The following HGF variants were observed in gnomAD, a reference collection of about 807,000 sequenced individuals.
HGF encodes the protein fibroblast-derived tumor cytotoxic factor.
Under a neutral mutation model 111.6 loss-of-function variants are expected in HGF, and 39 were observed. The ratio of observed to expected loss-of-function variants is 0.35; its 90% CI spans 0.27 to 0.46. HGF has a LOEUF of 0.46. HGF is among the 20% of genes least tolerant of loss of function. HGF has a pLI of 1.00. For missense variants in HGF, 735 were observed against 910.5 expected, an observed-to-expected ratio of 0.81 and a Z score of 2.48; for synonymous variants, 285 against 294.8, an observed-to-expected ratio of 0.97 and a Z score of 0.34.
chr7:81,730,651 AAATTAAATTTTTACCACAATT>A (rs1182651943), intron 7 of HGF, among the ~76,000 whole-genome samples: 1 of 152,152 alleles, frequency 6.6e-6, no homozygotes, highest in Non-Finnish European at 1.5e-5. Context: ...TAAAAGTATA[AAATTAAATTTTTACCACAATT>A]TGGTCTCTCT....
intron 9 of HGF, among the ~76,000 whole-genome samples, chr7:81,722,813 CAAAAAA>C (rs552915726): frequency 7.7e-5 from 7 of 91,236 alleles, no homozygotes; most frequent in Admixed American, 4.1e-4. Flanking sequence ...GATTCTGTCT[CAAAAAA>C]AAAAAAAAAA....
At chr7:81,728,903 T>A (rs1050761988) in intron 8 of HGF, among the ~76,000 whole-genome samples, 1 of 152,248 alleles carries the variant, frequency 6.6e-6, no homozygotes, top group Non-Finnish European at 1.5e-5. Context: ...AATCACTTTA[T>A]GTTCCTCATA....
At chr7:81,760,672 TGTGCGTGC>T (rs1035567798) in intron 2 of HGF, among the ~76,000 whole-genome samples, 36 of 114,152 alleles carry the variant, frequency 3.2e-4, no homozygotes, top group Admixed American at 2.0e-3. Flanking sequence ...TGTGTGTCTA[TGTGCGTGC>T]GTGTGTGTGT....
intron 7 of HGF, among the ~76,000 whole-genome samples, chr7:81,735,082 C>A (rs1199243341): frequency 2.0e-5 from 3 of 152,072 alleles, no homozygotes; most frequent in African/African-American, 7.2e-5. Flanking sequence ...CTCCCATCAA[C>A]AATACTTGTG....
chr7:81,715,376 C>G (rs1164512516), intron 11 of HGF, among the ~76,000 whole-genome samples: 1 of 151,886 alleles, frequency 6.6e-6, no homozygotes, highest in African/African-American at 2.4e-5. Flanking sequence ...TTTTGTATGG[C>G]ATTCTCTGAA....
intron 10 of HGF, among the ~76,000 whole-genome samples, chr7:81,718,785 C>T (rs953743619): frequency 2.0e-5 from 3 of 152,098 alleles, no homozygotes; most frequent in Non-Finnish European, 4.4e-5. Context: ...ATGAAAATTT[C>T]AACCTTCTAG....
At chr7:81,727,516 C>A in intron 8 of HGF, among the ~76,000 whole-genome samples, 1 of 152,128 alleles carries the variant, frequency 6.6e-6, no homozygotes, top group Non-Finnish European at 1.5e-5. Flanking sequence ...CATATTCAAA[C>A]CTTTAGCCTT....
chr7:81,767,393 T>G (rs1789416885), intron 1 of HGF, among the ~76,000 whole-genome samples: 1 of 152,218 alleles, frequency 6.6e-6, no homozygotes, highest in Non-Finnish European at 1.5e-5. Flanking sequence ...CTGAGGTCTT[T>G]GAACCGGCTA....
intron 1 of HGF, 185 bp from the exon 2 acceptor site, chr7:81,763,057 C>T: frequency 1.7e-6 from 1 of 573,824 alleles, no homozygotes; most frequent in Non-Finnish European, 3.1e-6. Context: ...ATATTGTAAT[C>T]AAGGAAAAAC....
intron 14 of HGF, 35 bp downstream of exon 14, chr7:81,707,255 G>A (rs779909459): frequency 4.2e-6 from 5 of 1,196,168 alleles, no homozygotes. Flanking sequence ...ACATTTTAAA[G>A]GCTCAAAATA....
At chr7:81,714,008 G>GTGTGTGTGTGTA (rs1384396887) in intron 11 of HGF, among the ~76,000 whole-genome samples, 1 of 151,596 alleles carries the variant, frequency 6.6e-6, no homozygotes, top group East Asian at 1.9e-4. Context: ...GTGTGTGTGT[G>GTGTGTGTGTGTA]TGTGTGTGTG....
At chr7:81,717,206 A>G (rs781429609) in intron 11 of HGF, 26 bp downstream of exon 11, 1 of 1,608,334 alleles carries the variant, frequency 6.2e-7, no homozygotes, top group Admixed American at 1.7e-5. Context: ...ATATTTCACA[A>G]GACACCAATC....
At chr7:81,722,826 A>AG (rs2115883995) in intron 9 of HGF, among the ~76,000 whole-genome samples, 1 of 140,056 alleles carries the variant, frequency 7.1e-6, no homozygotes, top group Admixed American at 6.8e-5. Flanking sequence ...AAAAAAAAAA[A>AG]AAAAAGAAAT....
At chr7:81,737,753 GAATT>G (rs1235103887) in intron 7 of HGF, among the ~76,000 whole-genome samples, 1 of 151,994 alleles carries the variant, frequency 6.6e-6, no homozygotes, top group Non-Finnish European at 1.5e-5. Flanking sequence ...TATTATAAAT[GAATT>G]AATAAATGTT....
chr7:81,764,418 C>T (rs1254746371), intron 1 of HGF, among the ~76,000 whole-genome samples: 1 of 152,058 alleles, frequency 6.6e-6, no homozygotes, highest in Non-Finnish European at 1.5e-5. Flanking sequence ...GATAGAATGG[C>T]TATGGTACAA....
rs954996166 is a variant in HGF at position 81,701,670 on chromosome 7, C to T, written c.*911G>A. On this transcript the variant is annotated 3_prime_UTR_variant, in exon 18 of 18. Transcript: ENST00000222390. Reference sequence around the variant, plus strand: ...CAAATATCTTGTGTAAATAAGTGGCCTTAAGTTTGGAGGAAACAAATTACA... The same window carrying T: ...CAAATATCTTGTGTAAATAAGTGGCTTTAAGTTTGGAGGAAACAAATTACA... 2 of 151,450 alleles carry T rather than the reference C, an allele frequency of 1.3e-5. No homozygotes were observed. Among genetic ancestry groups the T allele is most frequent in the Admixed American group, 6.6e-5 (1 of 15,144 alleles). The allele number at this position is 151,450 out of a possible 1,614,324, so 9.4% of individuals were successfully genotyped here. A position where few individuals can be genotyped will look rare whatever the true frequency, so the allele number is the denominator to read the frequency against.
rs1789297195 is a variant in HGF, at chr7:81,702,133, T to C, written c.*448A>G. ...GAACTATAACATATAGCATATGAAA[T>C]GTAATATAATTTAATATAGGGCTAC... On this transcript the variant is annotated 3_prime_UTR_variant, in exon 18 of 18. Coordinates refer to ENST00000222390, the MANE Select transcript of HGF (RefSeq NM_000601.6). 4.5e-6 allele frequency: 1 copy of C among 222,730 alleles called. No homozygotes were observed. Among genetic ancestry groups the C allele is most frequent in the East Asian group, 6.9e-5 (1 of 14,598 alleles). 13.8% of individuals were successfully genotyped at this position (222,730 alleles called of 1,614,324 possible). A position where few individuals can be genotyped will look rare whatever the true frequency, so the allele number is the denominator to read the frequency against.
chr7:81,756,917 T>C lies in HGF; in HGVS notation c.482+272A>G, dbSNP rs1377868164. 3 of 511,000 alleles carry C rather than the reference T, an allele frequency of 5.9e-6. No homozygotes were observed. In the East Asian group the frequency reaches 1.1e-4, roughly 18 times the overall value. The allele number at this position is 511,000 out of a possible 1,614,324, so 31.7% of individuals were successfully genotyped here. ...TCTCAAAGACAGGAAGAAGAATCCT[T>C]TTAAACGAAGTTTACGTTATTATTT... is the stretch of plus-strand genomic sequence containing the variant. On this transcript the variant is annotated intron_variant, in intron 4 of 17. Transcript: ENST00000222390.
rs1475257942 is a variant in HGF, at chr7:81,770,035, G to A, written c.-64C>T. On this transcript the variant is annotated 5_prime_UTR_variant, in exon 1 of 18. Transcript: ENST00000222390. ...ATGCCTGGGTGAAAGAATCCTGTTC[G>A]GAGTCAGTGCCTAAAAGAGCCAGTC... 4 of 1,223,540 alleles carry A rather than the reference G, an allele frequency of 3.3e-6. No homozygotes were observed. The South Asian group carries it at 3.9e-5, about 12-fold the overall frequency. 75.8% of individuals were successfully genotyped at this position (1,223,540 alleles called of 1,614,324 possible). A position where few individuals can be genotyped will look rare whatever the true frequency, so the allele number is the denominator to read the frequency against.
Sources: allele counts gnomAD v4.1 joint callset (sites outside exome capture counted in the v4.1 genomes callset), GRCh38; gene constraint gnomAD v4.1.1; transcripts MANE v1.5; gene names NCBI Gene and HGNC (gene_info 2026-07-23, HGNC 2026-07-21).